The following HECW1 variants were observed in gnomAD, a reference collection of about 807,000 sequenced individuals.
HECW1 encodes E3 ubiquitin-protein ligase HECW1.
Under a neutral mutation model 182.3 loss-of-function variants are expected in HECW1, and 61 were observed. The observed-to-expected ratio is 0.33, with a 90% CI of 0.27 to 0.41. The LOEUF (loss-of-function observed/expected upper bound fraction) is 0.41, where lower values mean the gene tolerates loss of function less well. HECW1 is among the 10% of genes least tolerant of loss of function. HECW1 has a pLI of 1.00. For missense variants in HECW1, 1,739 were observed against 2,108.9 expected (o/e 0.82, Z 3.44); for synonymous variants, 859 against 832.6 (o/e 1.03, Z -0.55).
intron 2 of HECW1, among the ~76,000 whole-genome samples, chr7:43,189,950 G>A (rs569842965): frequency 1.3e-5 from 2 of 152,176 alleles, no homozygotes; most frequent in East Asian, 3.9e-4. Context: ...TCTAAGAAGG[G>A]GAAGGTTAGT....
chr7:43,368,233 C>T (rs1816885981), intron 6 of HECW1, among the ~76,000 whole-genome samples: 1 of 152,174 alleles, frequency 6.6e-6, no homozygotes, highest in African/African-American at 2.4e-5. Flanking sequence ...TATTCCATGC[C>T]TCTGGAGGTG....
intron 2 of HECW1, among the ~76,000 whole-genome samples, chr7:43,163,615 G>A (rs1034427136): frequency 2.6e-5 from 4 of 152,152 alleles, no homozygotes; most frequent in Admixed American, 6.5e-5. Flanking sequence ...ATTCCCAGCC[G>A]TCAGCCAGAA....
At chr7:43,379,108 G>A (rs977648432) in intron 6 of HECW1, among the ~76,000 whole-genome samples, 17 of 152,238 alleles carry the variant, frequency 1.1e-4, no homozygotes, top group African/African-American at 3.1e-4. Flanking sequence ...CCCCACCCTC[G>A]TTAAACTTAA....
chr7:43,392,765 G>A (rs1231207846), intron 6 of HECW1, among the ~76,000 whole-genome samples: 1 of 152,124 alleles, frequency 6.6e-6, no homozygotes, highest in Non-Finnish European at 1.5e-5. Flanking sequence ...GCAAAGAAAG[G>A]GTAAAATTTG....
chr7:43,276,041 T>C (rs772484328), intron 3 of HECW1, among the ~76,000 whole-genome samples: 2 of 152,198 alleles, frequency 1.3e-5, no homozygotes, highest in Admixed American at 6.5e-5. Context: ...AAAGAATCAA[T>C]TGTGCAGAAG....
chr7:43,353,340 T>A (rs1185934904), intron 5 of HECW1, among the ~76,000 whole-genome samples: 1 of 152,124 alleles, frequency 6.6e-6, no homozygotes, highest in African/African-American at 2.4e-5. Context: ...ATCAAGTTGC[T>A]AAACACTGGA....
At chr7:43,314,357 T>C (rs981247302) in intron 4 of HECW1, among the ~76,000 whole-genome samples, 2 of 152,098 alleles carry the variant, frequency 1.3e-5, no homozygotes, top group Admixed American at 6.6e-5. Context: ...AACAGACACC[T>C]TGGGGGTGGA....
chr7:43,319,393 C>CAAATAAAAAAAAA (rs1809759539), intron 4 of HECW1, among the ~76,000 whole-genome samples: 1 of 67,698 alleles, frequency 1.5e-5, no homozygotes, highest in African/African-American at 4.1e-5. Flanking sequence ...GACTCCGTCT[C>CAAATAAAAAAAAA]AAAAAAAAAA....
At chr7:43,166,172 C>T (rs937062329) in intron 2 of HECW1, among the ~76,000 whole-genome samples, 1 of 152,174 alleles carries the variant, frequency 6.6e-6, no homozygotes, top group Non-Finnish European at 1.5e-5. Context: ...CAACCTCTGC[C>T]TCCTGGGTTC....
At chr7:43,250,096 C>G (rs1045725167) in intron 3 of HECW1, among the ~76,000 whole-genome samples, 1 of 145,706 alleles carries the variant, frequency 6.9e-6, no homozygotes, top group African/African-American at 2.8e-5. Flanking sequence ...TTCTTCCTCT[C>G]TTGCAGATTT....
At chr7:43,499,055 C>T (rs1183840643) in intron 19 of HECW1, among the ~76,000 whole-genome samples, 3 of 151,600 alleles carry the variant, frequency 2.0e-5, no homozygotes, top group South Asian at 4.2e-4. Context: ...CTGAGGCAGG[C>T]GAATCTCTTG....
chr7:43,287,634 A>G (rs1401986886), intron 3 of HECW1, among the ~76,000 whole-genome samples: 1 of 138,846 alleles, frequency 7.2e-6, no homozygotes, highest in African/African-American at 3.2e-5. Context: ...CACCATGTGC[A>G]TCCCTGATTT....
chr7:43,561,988 C>T lies in HECW1; in HGVS notation c.*62C>T, dbSNP rs2082221981. 7 of 934,302 alleles carry T rather than the reference C, an allele frequency of 7.5e-6. No homozygotes were observed. Among genetic ancestry groups the T allele is most frequent in the Non-Finnish European group, 1.2e-5 (7 of 576,460 alleles). The allele number at this position is 934,302 out of a possible 1,614,324, so 57.9% of individuals were successfully genotyped here. On this transcript the variant is annotated 3_prime_UTR_variant, in exon 30 of 30. Transcript: ENST00000395891. The stretch of plus-strand genomic sequence containing the variant: ...GACATCACCCTTCCTGGGATGATCC[C>T]CTTTTCCCTTTCCCTTAATCAACTC...
intron 5 of HECW1, among the ~76,000 whole-genome samples, chr7:43,325,724 C>T (rs1810672454): frequency 6.6e-6 from 1 of 152,124 alleles, no homozygotes; most frequent in African/African-American, 2.4e-5. Context: ...TAGTGTCCTG[C>T]CCCCGCCAGT....
chr7:43,463,858 G>C, intron 14 of HECW1, 59 bp downstream of exon 14: 3 of 1,574,206 alleles, frequency 1.9e-6, no homozygotes, highest in Non-Finnish European at 2.6e-6. Flanking sequence ...GTGACAGAGG[G>C]CTACAAGCCT....
chr7:43,224,693 T>G (rs1412471376), intron 2 of HECW1, among the ~76,000 whole-genome samples: 1 of 152,174 alleles, frequency 6.6e-6, no homozygotes. Flanking sequence ...CACACGCCTG[T>G]CATCCCAGCT....
intron 5 of HECW1, among the ~76,000 whole-genome samples, chr7:43,355,983 G>A (rs934563975): frequency 4.8e-4 from 72 of 149,096 alleles, no homozygotes; most frequent in African/African-American, 1.4e-3. Context: ...GCAAGACTCC[G>A]TTAAAAAAAT....
intron 5 of HECW1, among the ~76,000 whole-genome samples, chr7:43,353,443 T>A (rs1460380485): frequency 6.6e-6 from 1 of 151,806 alleles, no homozygotes; most frequent in South Asian, 2.1e-4. Context: ...TCCAAAAGGG[T>A]AGTATAGAGG....
intron 24 of HECW1, among the ~76,000 whole-genome samples, 192 bp from the exon 25 acceptor site, chr7:43,540,971 C>G (rs1397544487): frequency 5.3e-5 from 8 of 152,194 alleles, no homozygotes; most frequent in African/African-American, 1.9e-4. Flanking sequence ...CCTTTAGTCC[C>G]TAACAAGCAC....
Sources: allele counts gnomAD v4.1 joint callset (sites outside exome capture counted in the v4.1 genomes callset), GRCh38; gene constraint gnomAD v4.1.1; transcripts MANE v1.5; gene names NCBI Gene and HGNC (gene_info 2026-07-23, HGNC 2026-07-21).